Variants in SPATA13 observed in about 807,000 individuals in gnomAD.
SPATA13 encodes the protein spermatogenesis associated 13.
SPATA13 carries 50 observed loss-of-function variants against 104.0 expected under a neutral mutation model. The ratio of observed to expected loss-of-function variants is 0.48; its 90% CI spans 0.38 to 0.61. SPATA13 has a LOEUF of 0.61. SPATA13 is among the 20% of genes least tolerant of loss of function. SPATA13 has a pLI of 0.00. For missense variants in SPATA13, 1,524 were observed against 1,690.6 expected (o/e 0.90, Z 1.73); for synonymous variants, 606 against 667.5 (o/e 0.91, Z 1.42).
intron 1 of SPATA13, among the ~76,000 whole-genome samples, chr13:23,982,621 G>C (rs924381686): frequency 6.6e-6 from 1 of 151,984 alleles, no homozygotes; most frequent in African/African-American, 2.4e-5. Flanking sequence ...TATTTCATAG[G>C]TAGAAAAACT....
chr13:24,184,046 C>G (rs1868992133), intron 1 of SPATA13, among the ~76,000 whole-genome samples: 1 of 152,152 alleles, frequency 6.6e-6, no homozygotes, highest in African/African-American at 2.4e-5. Flanking sequence ...AGCCAGCTGC[C>G]TTCACAGGAC....
chr13:24,238,408 C>T (rs554446982), intron 2 of SPATA13, among the ~76,000 whole-genome samples: 7 of 152,308 alleles, frequency 4.6e-5, no homozygotes, highest in African/African-American at 1.7e-4. Context: ...TCACCCATCT[C>T]GGCCTCCCAG....
chr13:24,017,918 C>T (rs1876789137), intron 3 of SPATA13, among the ~76,000 whole-genome samples: 1 of 152,214 alleles, frequency 6.6e-6, no homozygotes. Context: ...ATGACTTCTT[C>T]CTTTGTGAAG....
intron 3 of SPATA13, among the ~76,000 whole-genome samples, chr13:24,074,074 A>G (rs1456832290): frequency 6.6e-6 from 1 of 152,240 alleles, no homozygotes. Context: ...ATTTTTAAGC[A>G]TACAGTTTAG....
rs183564826 is a variant in SPATA13, at chr13:24,010,783, C to T, written c.-146-6884C>T. ...CTGGATGGTGTCTTGGCAAGCAAGG[C>T]AGGGCCAGTGCCTTGTTGGTGGATC... On this transcript the variant is annotated intron_variant, in intron 2 of 14. Transcript: ENST00000424834. Among the ~76,000 whole-genome samples the T allele has an allele frequency of 6.6e-5, 10 of 152,154 alleles. No homozygotes were observed. The East Asian group carries it at 2.0e-3, about 30-fold the overall frequency.
rs1365285912 is a variant in SPATA13, at chr13:24,224,203, C to A, written c.1274C>A (p.Ser425Tyr). ...KSSWAVESDS[S>Y]CTCSSLPSPI... is the part of the protein sequence containing the mutation. ...TCCTGGGCGGTGGAAAGCGACAGTT[C>A]CTGCACTTGCAGCTCTTTGCCAAGC... The change falls in exon 2 of 13, where the codon TCC (serine) becomes TAC (tyrosine). Residue 425 changes from serine (S) to tyrosine (Y), a missense_variant. By Grantham distance (144) the Ser-to-Tyr change is moderately radical (BLOSUM62 -2). Coordinates refer to ENST00000382108, the MANE Select transcript of SPATA13 (RefSeq NM_001166271.3). 1 of 1,551,740 alleles carries A rather than the reference C, an allele frequency of 6.4e-7. No individual in the cohort carries two copies. Among genetic ancestry groups the A allele is most frequent in the Non-Finnish European group, 8.7e-7 (1 of 1,146,998 alleles).
At chr13:24,114,382 C>A (rs527387332) in intron 3 of SPATA13, among the ~76,000 whole-genome samples, 2 of 152,130 alleles carry the variant, frequency 1.3e-5, no homozygotes, top group Non-Finnish European at 2.9e-5. Flanking sequence ...TGTGCACATG[C>A]GCGTGTGTGT....
At chr13:24,130,779 G>A (rs1253030880) in intron 3 of SPATA13, among the ~76,000 whole-genome samples, 4 of 152,168 alleles carry the variant, frequency 2.6e-5, no homozygotes, top group South Asian at 2.1e-4. Flanking sequence ...CTGCAAACAC[G>A]CTATTTTCCT....
intron 2 of SPATA13, among the ~76,000 whole-genome samples, chr13:23,985,753 C>G (rs1875120521): frequency 6.6e-6 from 1 of 152,108 alleles, no homozygotes; most frequent in Non-Finnish European, 1.5e-5. Flanking sequence ...ATTTCCAGGA[C>G]AGAAGGATAC....
At chr13:24,226,416 T>C (rs1430483328) in intron 2 of SPATA13, among the ~76,000 whole-genome samples, 3 of 152,352 alleles carry the variant, frequency 2.0e-5, no homozygotes, top group South Asian at 2.1e-4. Context: ...ATTGTACTTA[T>C]TTTAGAGTAG....
intron 2 of SPATA13, among the ~76,000 whole-genome samples, chr13:24,007,609 C>T (rs550349170): frequency 2.9e-4 from 44 of 152,236 alleles, no homozygotes; most frequent in African/African-American, 1.1e-3. Flanking sequence ...GGTGGCACCA[C>T]CACACCTGGA....
chr13:24,094,450 G>A (rs1880007546), intron 3 of SPATA13, among the ~76,000 whole-genome samples: 1 of 152,232 alleles, frequency 6.6e-6, no homozygotes, highest in Non-Finnish European at 1.5e-5. Context: ...CAGAATGCCA[G>A]CACACAGCAG....
At position 24,294,924 on chromosome 13, in the gene SPATA13, A is replaced by T. The variant is rs9553234; in HGVS notation, c.3210+56A>T. 3.2e-6 allele frequency: 5 copies of T among 1,557,318 alleles called. No homozygotes were observed. The African/African-American group carries it at 6.7e-5, about 21-fold the overall frequency. The stretch of plus-strand genomic sequence containing the variant: ...GCCACTCGCCCTTCCCGCACCTTTG[A>T]TCTGGTGCAGATGCACTTTAATATC... On this transcript the variant is annotated intron_variant, in intron 10 of 12. Coordinates refer to ENST00000382108, the MANE Select transcript of SPATA13 (RefSeq NM_001166271.3).
In SPATA13 at chr13:24,161,056, T is replaced by G; in HGVS notation, c.-112+124T>G. The G allele has an allele frequency of 1.7e-6, 1 of 572,502 alleles. No homozygotes were observed. The highest frequency in any genetic ancestry group is 2.2e-6 in the Non-Finnish European group (1 of 452,118). The allele number at this position is 572,502 out of a possible 1,614,324, so 35.5% of individuals were successfully genotyped here. ...GGCTTCGGGATGTCCAGCTCCCAGC[T>G]GCTTGGCCTCTGCTTCCCCCGCCGG... On this transcript the variant is annotated intron_variant, in intron 1 of 12. Transcript: ENST00000382108. This position sits in a 1 kb window ranked among gnomAD's most constrained non-coding sequence, Gnocchi z 4.5.
intron 3 of SPATA13, among the ~76,000 whole-genome samples, chr13:24,114,192 GGA>G (rs1236898895): frequency 6.6e-6 from 1 of 152,234 alleles, no homozygotes; most frequent in African/African-American, 2.4e-5. Context: ...AACAGCTTTT[GGA>G]GAGACTGCCC....
intron 3 of SPATA13, among the ~76,000 whole-genome samples, chr13:24,078,564 TGA>T (rs1879407043): frequency 6.6e-6 from 1 of 152,170 alleles, no homozygotes; most frequent in Non-Finnish European, 1.5e-5. Flanking sequence ...AGAAATAATG[TGA>T]GTGAGGGTCC....
At chr13:23,981,706 G>T (rs1301967993) in intron 1 of SPATA13, among the ~76,000 whole-genome samples, 3 of 152,298 alleles carry the variant, frequency 2.0e-5, no homozygotes, top group African/African-American at 4.8e-5. Flanking sequence ...ACTCAGAGAA[G>T]TGCGGTGATA....
chr13:24,117,500 T>A (rs140395548), intron 3 of SPATA13, among the ~76,000 whole-genome samples: 1 of 152,210 alleles, frequency 6.6e-6, no homozygotes, highest in African/African-American at 2.4e-5. Flanking sequence ...TGTATGACTT[T>A]AGTGATGTCA....
Position 24,205,141 on chromosome 13 carries a change from G to A in SPATA13, c.-111-17678G>A, listed in dbSNP as rs543889670. 5.1e-4 allele frequency among the ~76,000 whole-genome samples: 77 copies of A among 152,302 alleles called. No homozygotes were observed. Among genetic ancestry groups the A allele is most frequent in the Non-Finnish European group, 7.1e-4 (48 of 68,026 alleles). On this transcript the variant is annotated intron_variant, in intron 1 of 12. Coordinates refer to ENST00000382108, the MANE Select transcript of SPATA13 (RefSeq NM_001166271.3). The surrounding 1 kb of genome is among the most constrained non-coding windows in gnomAD (Gnocchi z 4.1). Reference sequence around the variant, plus strand: ...AAATGACATCCAAATAGGAAGAGAGGAAGTCAAACTATCCCTGTTTGCAGA... The same window carrying A: ...AAATGACATCCAAATAGGAAGAGAGAAAGTCAAACTATCCCTGTTTGCAGA...
Sources: gnomAD v4.1 joint callset for allele counts (sites outside exome capture counted in the v4.1 genomes callset) on GRCh38, gnomAD v4.1.1 for gene constraint, Gnocchi (gnomAD v3.1) non-coding constraint, MANE v1.5 for transcripts, NCBI Gene and HGNC (gene_info 2026-07-23, HGNC 2026-07-21) for gene names.